The following DCBLD2 variants were observed in gnomAD, a reference collection of about 807,000 sequenced individuals.
DCBLD2 encodes discoidin, CUB and LCCL domain-containing protein 2.
A neutral mutation model predicts 86.8 loss-of-function variants in DCBLD2; 54 were observed. The observed-to-expected ratio is 0.62, with a 90% CI of 0.50 to 0.78. The LOEUF (loss-of-function observed/expected upper bound fraction) is 0.78. Ranked by LOEUF, DCBLD2 falls within the 30% of genes least tolerant of loss-of-function variation. The pLI, the probability that DCBLD2 is intolerant of heterozygous loss-of-function variation, is 0.00. For synonymous variants in DCBLD2, 354 were observed against 341.3 expected (o/e 1.04, Z -0.41); for missense variants, 908 against 954.2 (o/e 0.95, Z 0.64).
chr3:98,812,913 T>C lies in DCBLD2; in HGVS notation c.1213-431A>G, dbSNP rs187341214. The C allele has an allele frequency of 1.5e-3, 232 of 153,262 alleles. 4 individuals carry two copies. Among genetic ancestry groups the C allele is most frequent in the Middle Eastern group, 0.014 (4 of 294 alleles). 9.5% of individuals were successfully genotyped at this position (153,262 alleles called of 1,614,324 possible). On this transcript the variant is annotated intron_variant, in intron 9 of 15. Coordinates refer to ENST00000326840, the MANE Select transcript of DCBLD2 (RefSeq NM_080927.4). ...TCTTAGGGGAAATATTTTGCTTGTG[T>C]ACTTTTCATAATTTTTCTCTCAACA...
chr3:98,888,618 AC>A (rs1326673718), intron 1 of DCBLD2, among the ~76,000 whole-genome samples: 5 of 152,046 alleles, frequency 3.3e-5, no homozygotes, highest in African/African-American at 1.2e-4. Flanking sequence ...ATTTGTGAGT[AC>A]TATTATTGTC....
chr3:98,899,342 C>T (rs1943808016), intron 1 of DCBLD2, among the ~76,000 whole-genome samples: 1 of 151,294 alleles, frequency 6.6e-6, no homozygotes, highest in Non-Finnish European at 1.5e-5. Context: ...ACCTCCGCCT[C>T]CCGGGTTCAA....
At chr3:98,859,310 C>A (rs1291890489) in intron 2 of DCBLD2, among the ~76,000 whole-genome samples, 2 of 152,130 alleles carry the variant, frequency 1.3e-5, no homozygotes, top group African/African-American at 4.8e-5. Flanking sequence ...CAGGGCATAG[C>A]CAAACAAAAG....
Position 98,797,364 on chromosome 3 carries a change from A to G in DCBLD2, c.*2008T>C, listed in dbSNP as rs1323480250. Reference sequence around the variant, plus strand: ...ATACACAATTAACACAAGAATAGCAAACTTCTTTGGGAAAATGAAATAGTT... The same window carrying G: ...ATACACAATTAACACAAGAATAGCAGACTTCTTTGGGAAAATGAAATAGTT... On this transcript the variant is annotated 3_prime_UTR_variant, in exon 16 of 16. Coordinates refer to ENST00000326840, the MANE Select transcript of DCBLD2 (RefSeq NM_080927.4). 6.6e-6 allele frequency: 1 copy of G among 152,478 alleles called. No homozygotes were observed. The highest frequency in any genetic ancestry group is 2.4e-5 in the African/African-American group (1 of 41,438). 9.4% of individuals were successfully genotyped at this position (152,478 alleles called of 1,614,324 possible). A position where few individuals can be genotyped will look rare whatever the true frequency, so the allele number is the denominator to read the frequency against.
At chr3:98,859,846 C>A (rs1485784573) in intron 2 of DCBLD2, among the ~76,000 whole-genome samples, 1 of 152,224 alleles carries the variant, frequency 6.6e-6, no homozygotes, top group African/African-American at 2.4e-5. Context: ...CGCAGCTCCT[C>A]GCCAGCAACG....
In DCBLD2 at chr3:98,799,439, T is replaced by TA; in HGVS notation, c.2260_2261insT (p.Gln754LeufsTer16). On this transcript the variant is annotated frameshift_variant, in exon 16 of 16. Coordinates refer to ENST00000326840, the MANE Select transcript of DCBLD2 (RefSeq NM_080927.4). LOFTEE classifies it high-confidence loss of function. ...TGCTCCTGATACTTCTTGTGTGCTC[T>TA]GTGGCACCTGGTACACCAATTCGTC... The TA allele has an allele frequency of 1.9e-6, 3 of 1,614,050 alleles. No individual in the cohort carries two copies. Among genetic ancestry groups the TA allele is most frequent in the Non-Finnish European group, 2.5e-6 (3 of 1,179,878 alleles).
chr3:98,796,797 C>T lies in DCBLD2; in HGVS notation c.*2575G>A, dbSNP rs1941608012. On this transcript the variant is annotated 3_prime_UTR_variant, in exon 16 of 16. Transcript: ENST00000326840. ...GCTGTTTCCTAAGATCAAGTAACAG[C>T]CAAGTCAGTGTAATTTTATGAAACC... 6.6e-6 allele frequency: 1 copy of T among 152,532 alleles called. No homozygotes were observed. The highest frequency in any genetic ancestry group is 6.5e-5 in the Admixed American group (1 of 15,280). 9.4% of individuals were successfully genotyped at this position (152,532 alleles called of 1,614,324 possible). A position where few individuals can be genotyped will look rare whatever the true frequency, so the allele number is the denominator to read the frequency against.
intron 1 of DCBLD2, among the ~76,000 whole-genome samples, chr3:98,893,213 T>G (rs1943693152): frequency 6.6e-6 from 1 of 152,158 alleles, no homozygotes; most frequent in South Asian, 2.1e-4. Context: ...AAAATTTACT[T>G]GCTACCCAGA....
rs140198175 is a variant in DCBLD2 at position 98,842,277 on chromosome 3, T to C, written c.571+7184A>G. On this transcript the variant is annotated intron_variant, in intron 3 of 15. Transcript: ENST00000326840. ...TGTCAATAGCCTTGCATCGTAGATA[T>C]ATGAACAGCTACTCTGTTCAAGTGC... Among the ~76,000 whole-genome samples, 560 of 152,334 alleles carry C rather than the reference T, an allele frequency of 3.7e-3. 12 individuals carry two copies. Among genetic ancestry groups the C allele is most frequent in the Admixed American group, 0.034 (516 of 15,300 alleles).
At chr3:98,831,283 C>A (rs1054668912) in intron 3 of DCBLD2, among the ~76,000 whole-genome samples, 5 of 151,796 alleles carry the variant, frequency 3.3e-5, no homozygotes, top group Admixed American at 3.3e-4. Flanking sequence ...AACTCCTGAC[C>A]TCAAGTGATC....
chr3:98,806,948 G>A (rs1368220868), intron 13 of DCBLD2, among the ~76,000 whole-genome samples: 1 of 151,994 alleles, frequency 6.6e-6, no homozygotes, highest in Non-Finnish European at 1.5e-5. Context: ...GGCCTCAGTG[G>A]TTTCCTAACT....
chr3:98,883,460 T>C (rs1427622270), intron 1 of DCBLD2, among the ~76,000 whole-genome samples: 6 of 152,200 alleles, frequency 3.9e-5, no homozygotes, highest in Non-Finnish European at 1.5e-5. Flanking sequence ...GGCAGCAGCA[T>C]TATTTGCTCC....
chr3:98,857,026 G>A (rs955757683), intron 2 of DCBLD2, among the ~76,000 whole-genome samples: 11 of 152,174 alleles, frequency 7.2e-5, no homozygotes, highest in African/African-American at 4.8e-5. Flanking sequence ...TGAGTGTTAC[G>A]GTTCTTAAAG....
At chr3:98,878,475 C>T (rs117995320) in intron 2 of DCBLD2, among the ~76,000 whole-genome samples, 2 of 150,758 alleles carry the variant, frequency 1.3e-5, no homozygotes, top group African/African-American at 4.9e-5. Flanking sequence ...TCTAAAGGGG[C>T]ACTGAGAAAA....
At chr3:98,807,614 AC>A (rs1449396988) in intron 13 of DCBLD2, among the ~76,000 whole-genome samples, 6 of 152,150 alleles carry the variant, frequency 3.9e-5, no homozygotes, top group African/African-American at 1.2e-4. Flanking sequence ...CCAAACAAAG[AC>A]ATCTACCTTC....
At position 98,838,136 on chromosome 3, in the gene DCBLD2, G is replaced by A. The variant is rs1942515348; in HGVS notation, c.571+11325C>T. Among the ~76,000 whole-genome samples the A allele has an allele frequency of 2.4e-5, 3 of 125,480 alleles. No individual in the cohort carries two copies. The South Asian group carries it at 8.4e-4, about 35-fold the overall frequency. The allele number at this position is 125,480 out of a possible 152,430, so 82.3% of individuals were successfully genotyped here. ...CCTCCCGGATGGGGCGGCTGGTCGG[G>A]CGGGGGGCTGACCCCCCCCACCTCC... is the stretch of plus-strand genomic sequence containing the variant. On this transcript the variant is annotated intron_variant, in intron 3 of 15. Transcript: ENST00000326840.
At chr3:98,849,654 T>A in intron 2 of DCBLD2, 56 bp from the exon 3 acceptor site, 1 of 1,565,360 alleles carries the variant, frequency 6.4e-7, no homozygotes, top group Non-Finnish European at 8.7e-7. Flanking sequence ...GTCAATAATA[T>A]TTGCAATGTA....
intron 9 of DCBLD2, chr3:98,813,130 C>T (rs1199391835): frequency 6.6e-6 from 1 of 152,224 alleles, no homozygotes; most frequent in Non-Finnish European, 1.5e-5. Flanking sequence ...CTTGCTCTGT[C>T]ATCCAAGGAA....
At chr3:98,807,232 C>T (rs1941857798) in intron 13 of DCBLD2, among the ~76,000 whole-genome samples, 1 of 152,198 alleles carries the variant, frequency 6.6e-6, no homozygotes, top group Non-Finnish European at 1.5e-5. Flanking sequence ...TGTGCCTTCA[C>T]TCAAACAATT....
Sources: allele counts gnomAD v4.1 joint callset (sites outside exome capture counted in the v4.1 genomes callset), GRCh38; gene constraint gnomAD v4.1.1; transcripts MANE v1.5; gene names NCBI Gene and HGNC (gene_info 2026-07-23, HGNC 2026-07-21).